Variants in PPAT observed in about 807,000 individuals in gnomAD.
PPAT encodes the protein phosphoribosyl pyrophosphate amidotransferase, also known as amidophosphoribosyltransferase.
PPAT carries 20 observed loss-of-function variants against 60.2 expected under a neutral mutation model. The observed-to-expected ratio is 0.33, with a 90% confidence interval of 0.23 to 0.48. PPAT has a LOEUF of 0.48. PPAT is among the 20% of genes least tolerant of loss of function. PPAT has a pLI of 0.99. For missense variants in PPAT, 349 were observed against 629.6 expected (o/e 0.55, Z 4.77); for synonymous variants, 194 against 215.1 (o/e 0.90, Z 0.86).
chr4:56,425,251 A>C (rs1485268116), intron 1 of PPAT: 5 of 153,928 alleles, frequency 3.2e-5, no homozygotes, highest in Admixed American at 1.3e-4. Context: ...ATATTTAAAC[A>C]CTTTTGTATA....
At chr4:56,426,573 G>A (rs1578135554) in intron 1 of PPAT, among the ~76,000 whole-genome samples, 1 of 151,994 alleles carries the variant, frequency 6.6e-6, no homozygotes, top group Admixed American at 6.6e-5. Context: ...TTTGTTTCAC[G>A]GTTCATCCAC....
intron 1 of PPAT, among the ~76,000 whole-genome samples, chr4:56,411,817 G>T (rs1361806542): frequency 6.6e-6 from 1 of 152,154 alleles, no homozygotes; most frequent in Non-Finnish European, 1.5e-5. Flanking sequence ...TACCAAATGT[G>T]AATGGGGTTA....
chr4:56,407,576 C>T (rs1314015219), intron 2 of PPAT, 74 bp downstream of exon 2: 1 of 1,285,050 alleles, frequency 7.8e-7, no homozygotes, highest in African/African-American at 1.5e-5. Flanking sequence ...CCTTGGCCTG[C>T]CAAAGTCCTG....
chr4:56,402,596 C>G (rs1716139515), intron 5 of PPAT, among the ~76,000 whole-genome samples: 3 of 152,066 alleles, frequency 2.0e-5, no homozygotes, highest in South Asian at 2.1e-4. Flanking sequence ...GTGGGCAGAT[C>G]ACCTGAGGTC....
chr4:56,410,924 A>AT, intron 1 of PPAT: 22 of 901,306 alleles, frequency 2.4e-5, no homozygotes, highest in Non-Finnish European at 2.8e-5. Flanking sequence ...AAAAAAAAAA[A>AT]AAAAGAAAAG....
chr4:56,405,218 C>A (rs1005465739), intron 3 of PPAT, among the ~76,000 whole-genome samples: 2 of 152,130 alleles, frequency 1.3e-5, no homozygotes, highest in African/African-American at 4.8e-5. Context: ...AGTCTCCGTC[C>A]CTTTTCCCAT....
At position 56,435,518 on chromosome 4, in the gene PPAT, C is replaced by G; in HGVS notation, c.-41G>C. ...ACGTGGAAGGACCTGCCGCTGCGGC[C>G]AAGGTGTAAGCACCAACCAGCTGCC... On this transcript the variant is annotated 5_prime_UTR_variant, in exon 1 of 11. Transcript: ENST00000264220. 1 of 1,612,230 alleles carries G rather than the reference C, an allele frequency of 6.2e-7. No individual in the cohort carries two copies.
At position 56,412,246 on chromosome 4, in the gene PPAT, CTA is replaced by C. The variant is rs759563968; in HGVS notation, c.129-4532_129-4531del. Among the ~76,000 whole-genome samples, 111 of 152,100 alleles carry C rather than the reference CTA, an allele frequency of 7.3e-4. 1 individual carries two copies. The highest frequency in any genetic ancestry group is 6.8e-3 in the Middle Eastern group (2 of 292). ...CAGAGGGACTATCCTTACAACATAA[CTA>C]TGCACGTTTAGTTACCTCAAACTCC... On this transcript the variant is annotated intron_variant, in intron 1 of 10. Coordinates refer to ENST00000264220, the MANE Select transcript of PPAT (RefSeq NM_002703.5).
intron 1 of PPAT, among the ~76,000 whole-genome samples, chr4:56,426,620 G>C (rs776041676): frequency 6.6e-6 from 1 of 151,938 alleles, no homozygotes; most frequent in South Asian, 2.1e-4. Flanking sequence ...CCTTTTTATG[G>C]CTGAATAATA....
intron 3 of PPAT, 72 bp from the exon 4 acceptor site, chr4:56,403,473 C>G: frequency 9.1e-7 from 1 of 1,095,634 alleles, no homozygotes; most frequent in Non-Finnish European, 1.3e-6. Context: ...AGTAGCCAAC[C>G]ATAATGAAAA....
intron 1 of PPAT, among the ~76,000 whole-genome samples, chr4:56,415,965 A>C (rs796255339): frequency 3.9e-5 from 6 of 151,932 alleles, no homozygotes; most frequent in African/African-American, 1.4e-4. Context: ...AGCTACTCAT[A>C]AGGCTGAGGC....
chr4:56,409,244 G>A (rs1716343113), intron 1 of PPAT, among the ~76,000 whole-genome samples: 1 of 152,268 alleles, frequency 6.6e-6, no homozygotes, highest in East Asian at 1.9e-4. Context: ...ACAGACAGCA[G>A]GTGGTAGCCA....
chr4:56,416,132 A>C (rs1441376435), intron 1 of PPAT, among the ~76,000 whole-genome samples: 2 of 152,264 alleles, frequency 1.3e-5, no homozygotes, highest in East Asian at 3.9e-4. Flanking sequence ...AAACTTAAAA[A>C]ATTATCAAAC....
intron 1 of PPAT, among the ~76,000 whole-genome samples, chr4:56,417,716 G>A (rs1316067996): frequency 1.3e-5 from 2 of 152,102 alleles, no homozygotes; most frequent in South Asian, 2.1e-4. Context: ...GAGCCCAGGG[G>A]TTCAAGGCTG....
intron 1 of PPAT, chr4:56,419,540 T>A (rs1192469013): frequency 5.4e-6 from 2 of 371,282 alleles, no homozygotes; most frequent in Non-Finnish European, 7.4e-6. Flanking sequence ...CTTTCTTTAA[T>A]AATGTTGCAT....
chr4:56,434,356 T>C (rs1420684597), intron 1 of PPAT, among the ~76,000 whole-genome samples: 2 of 152,248 alleles, frequency 1.3e-5, no homozygotes, highest in Non-Finnish European at 2.9e-5. Flanking sequence ...TTACGTGTTA[T>C]TGCCAAGTTC....
Position 56,399,169 on chromosome 4 carries a change from T to TA in PPAT, c.1236+9dup, listed in dbSNP as rs767880527. The TA allele has an allele frequency of 6.3e-7, 1 of 1,592,830 alleles. No homozygotes were observed. The highest frequency in any genetic ancestry group is 8.6e-7 in the Non-Finnish European group (1 of 1,161,026). The stretch of plus-strand genomic sequence containing the variant: ...ACTTATGCTTTAGGATATGTTTTAA[T>TA]ATTACTTACCTCTTTTGCACCAGAT... On this transcript the variant is annotated intron_variant, in intron 9 of 10. Transcript: ENST00000264220.
Position 56,407,654 on chromosome 4 carries a change from T to C in PPAT, c.191A>G (p.His64Arg). 1 of 1,597,092 alleles carries C rather than the reference T, an allele frequency of 6.3e-7. No individual in the cohort carries two copies. Among genetic ancestry groups the C allele is most frequent in the South Asian group, 1.1e-5 (1 of 90,728 alleles). ...TTTCTTAAAGTTCAAATTTACCTTG[T>C]GTGATTTGAATGTTGGCACCGAACT... ...DGSSVPTFKS[H>R]KGMGLVNHVF... The change falls in exon 2 of 11, where the codon CAC (histidine) becomes CGC (arginine). Residue 64 changes from histidine (H) to arginine (R), a missense_variant. By Grantham distance (29) the His-to-Arg change is conservative (BLOSUM62 0). Coordinates refer to ENST00000264220, the MANE Select transcript of PPAT (RefSeq NM_002703.5).
intron 1 of PPAT, among the ~76,000 whole-genome samples, chr4:56,425,944 T>C (rs1717262020): frequency 6.6e-6 from 1 of 152,226 alleles, no homozygotes; most frequent in South Asian, 2.1e-4. Flanking sequence ...ACACTTGACT[T>C]GTCTTTACTT....
Sources: allele counts gnomAD v4.1 joint callset (sites outside exome capture counted in the v4.1 genomes callset), GRCh38; gene constraint gnomAD v4.1.1; transcripts MANE v1.5; gene names NCBI Gene and HGNC (gene_info 2026-07-23, HGNC 2026-07-21).